ZNF157: variants seen among roughly 807,000 people sequenced by gnomAD.
ZNF157 encodes zinc finger protein 157, also known as zinc finger protein 22.
ZNF157 carries 8 observed loss-of-function variants against 9.4 expected under a neutral mutation model. The observed-to-expected ratio is 0.85, with a 90% CI of 0.50 to 1.53. The LOEUF (loss-of-function observed/expected upper bound fraction) is 1.53, where lower values mean the gene tolerates loss of function less well. Among genes scored for constraint, ZNF157 ranks in the 40% most tolerant of loss-of-function variants. The probability of loss-of-function intolerance (pLI) is 0.00; values close to 1 mark genes in which losing one functional copy is unlikely to be tolerated. For synonymous variants in ZNF157, 120 were observed against 130.8 expected (o/e 0.92, Z 0.56); for missense variants, 316 against 385.2 (o/e 0.82, Z 1.50).
At chrX:47,391,498 G>A (rs1386475692) in intron 1 of ZNF157, among the ~76,000 whole-genome samples, 1 of 112,091 alleles carries the variant, frequency 8.9e-6, no homozygotes, top group Non-Finnish European at 1.9e-5. Context: ...TGATGTTGGT[G>A]CTTGAAAGGT....
At chrX:47,372,342 C>G (rs1472232435) in intron 1 of ZNF157, among the ~76,000 whole-genome samples, 1 of 109,819 alleles carries the variant, frequency 9.1e-6, no homozygotes, top group African/African-American at 3.3e-5. Flanking sequence ...CCCTAAAGCC[C>G]CAAAAGGATA....
chrX:47,399,950 G>A lies in ZNF157; in HGVS notation c.73-10326G>A, dbSNP rs777354882. Among the ~76,000 whole-genome samples, 27 of 108,723 alleles carry A rather than the reference G, an allele frequency of 2.5e-4. 1 individual carries two copies. The highest frequency in any genetic ancestry group is 9.0e-4 in the African/African-American group (27 of 29,914). The allele number at this position is 108,723 out of a possible 115,157, so 94.4% of individuals were successfully genotyped here. A position where few individuals can be genotyped will look rare whatever the true frequency, so the allele number is the denominator to read the frequency against. On this transcript the variant is annotated intron_variant, in intron 1 of 3. Coordinates refer to ENST00000377073, the MANE Select transcript of ZNF157 (RefSeq NM_003446.4). ...CCTGCCTCAGCCTCCCAAAGTGTTG[G>A]TATTACAGGCATGAGCCACATTGCC...
intron 1 of ZNF157, among the ~76,000 whole-genome samples, chrX:47,380,759 T>C (rs1181620449): frequency 2.1e-5 from 2 of 93,952 alleles, no homozygotes; most frequent in Admixed American, 1.2e-4. Flanking sequence ...TTTTCTTTTT[T>C]ATTATTATTT....
chrX:47,398,460 AT>A (rs2055920361), intron 1 of ZNF157, among the ~76,000 whole-genome samples: 1 of 111,008 alleles, frequency 9.0e-6, no homozygotes, highest in Non-Finnish European at 1.9e-5. Context: ...CCATGTATTC[AT>A]TCCTTTACTT....
intron 1 of ZNF157, among the ~76,000 whole-genome samples, chrX:47,401,877 C>A (rs949052550): frequency 1.8e-5 from 2 of 110,374 alleles, no homozygotes; most frequent in East Asian, 2.8e-4. Context: ...GTAGCTAGGA[C>A]CACAGGTGTG....
At chrX:47,380,747 A>T (rs770089913) in intron 1 of ZNF157, among the ~76,000 whole-genome samples, 210 of 99,410 alleles carry the variant, frequency 2.1e-3, no homozygotes, top group Middle Eastern at 0.02. Context: ...TATTATTATT[A>T]TTTTTCTTTT....
intron 1 of ZNF157, among the ~76,000 whole-genome samples, chrX:47,385,095 G>A (rs948685040): frequency 8.1e-5 from 9 of 111,703 alleles, no homozygotes; most frequent in Non-Finnish European, 1.7e-4. Context: ...CGAATGGACT[G>A]CATCGTGTTT....
intron 1 of ZNF157, among the ~76,000 whole-genome samples, chrX:47,391,924 C>G (rs1471045875): frequency 9.6e-6 from 1 of 103,709 alleles, no homozygotes; most frequent in East Asian, 3.1e-4. Flanking sequence ...GAGTCTCGCT[C>G]TGTCGCCCAG....
intron 1 of ZNF157, among the ~76,000 whole-genome samples, chrX:47,404,258 C>T (rs1398680807): frequency 9.1e-6 from 1 of 109,626 alleles, no homozygotes; most frequent in East Asian, 3.0e-4. Context: ...CTCCATCTCT[C>T]AGGTTCAATC....
chrX:47,390,836 G>A (rs1172096736), intron 1 of ZNF157: 1 of 112,414 alleles, frequency 8.9e-6, no homozygotes, highest in Non-Finnish European at 1.9e-5. Context: ...TGTGAAATGA[G>A]CAGCACTCTG....
intron 1 of ZNF157, among the ~76,000 whole-genome samples, chrX:47,406,709 T>G (rs2055948385): frequency 8.9e-6 from 1 of 112,507 alleles, no homozygotes; most frequent in African/African-American, 3.2e-5. Flanking sequence ...TGACTTTGTG[T>G]CCTGCAGTCT....
At chrX:47,411,536 TTA>T (rs2055965201) in intron 3 of ZNF157, among the ~76,000 whole-genome samples, 2 of 108,606 alleles carry the variant, frequency 1.8e-5, no homozygotes, top group Admixed American at 2.0e-4. Flanking sequence ...TGTATTATTA[TTA>T]TTTTTTTTTT....
chrX:47,402,633 G>A lies in ZNF157; in HGVS notation c.73-7643G>A, dbSNP rs373166660. On this transcript the variant is annotated intron_variant, in intron 1 of 3. Transcript: ENST00000377073. ...CAGCTCACTGCAAGCTCCGCCTCCCGGGTTCACGCCATTCTCTTGCCTCAG... is the reference window on the plus strand; with the variant it reads ...CAGCTCACTGCAAGCTCCGCCTCCCAGGTTCACGCCATTCTCTTGCCTCAG... Among the ~76,000 whole-genome samples the A allele has an allele frequency of 3.6e-4, 38 of 106,057 alleles. 1 individual carries two copies. In the East Asian group the frequency reaches 8.7e-3, roughly 24 times the overall value. 92.1% of individuals were successfully genotyped at this position (106,057 alleles called of 115,157 possible).
chrX:47,409,686 C>T (rs1481527860), intron 1 of ZNF157, among the ~76,000 whole-genome samples: 2 of 106,497 alleles, frequency 1.9e-5, no homozygotes, highest in East Asian at 3.0e-4. Context: ...CTCTGTTGCC[C>T]GAGCTGGAGT....
chrX:47,373,863 A>ATT (rs1569255808), intron 1 of ZNF157, among the ~76,000 whole-genome samples: 3 of 62,109 alleles, frequency 4.8e-5, no homozygotes, highest in African/African-American at 2.8e-4. Context: ...AATTAAAAAA[A>ATT]ATTTTTTTTT....
At chrX:47,393,256 G>A (rs1159100892) in intron 1 of ZNF157, among the ~76,000 whole-genome samples, 18 of 111,285 alleles carry the variant, frequency 1.6e-4, no homozygotes, top group Admixed American at 4.8e-4. Context: ...CCTTTGTGTT[G>A]CAGGTAGCAC....
chrX:47,376,100 GT>G (rs1317729940), intron 1 of ZNF157, among the ~76,000 whole-genome samples: 2 of 111,691 alleles, frequency 1.8e-5, no homozygotes, highest in Non-Finnish European at 3.8e-5. Flanking sequence ...GTTCCTCCAT[GT>G]TTTTTTGTGG....
At chrX:47,404,780 T>G (rs2147413005) in intron 1 of ZNF157, among the ~76,000 whole-genome samples, 1 of 111,409 alleles carries the variant, frequency 9.0e-6, no homozygotes, top group Non-Finnish European at 1.9e-5. Flanking sequence ...GTCTTGACTT[T>G]GTTTATTTAT....
rs138083674 is a variant in ZNF157 at position 47,412,481 on chromosome X, T to C, written c.408T>C (p.Tyr136=). 2.5e-6 allele frequency: 3 copies of C among 1,210,545 alleles called. No homozygotes were observed. The African/African-American group carries it at 5.2e-5, about 21-fold the overall frequency. The change falls in exon 4 of 4, where the codon TAT becomes TAC. Residue 136 remains tyrosine (Y), a synonymous_variant. Coordinates refer to ENST00000377073, the MANE Select transcript of ZNF157 (RefSeq NM_003446.4). ...KIQTLDQNVE[Y]NGCRKAFHEK... ...AAACATTGGATCAAAATGTTGAATA[T>C]AATGGATGCAGGAAAGCCTTCCATG...
Sources: gnomAD v4.1 joint callset for allele counts (sites outside exome capture counted in the v4.1 genomes callset) on GRCh38, gnomAD v4.1.1 for gene constraint, MANE v1.5 for transcripts, NCBI Gene and HGNC (gene_info 2026-07-23, HGNC 2026-07-21) for gene names.